The following SASH1 variants were observed in gnomAD, a reference collection of about 807,000 sequenced individuals.
SASH1 encodes the protein SAM and SH3 domain-containing protein 1.
In SASH1, 44 loss-of-function variants were observed where a neutral mutation model predicts 125.2. That is an observed-to-expected ratio of 0.35 (90% confidence interval 0.28 to 0.45). SASH1 has a LOEUF of 0.45. Ranked by LOEUF, SASH1 falls within the 20% of genes least tolerant of loss-of-function variation. The pLI is 1.00. For synonymous variants in SASH1, 639 were observed against 649.1 expected (o/e 0.98, Z 0.24); for missense variants, 1,426 against 1,614.5 (o/e 0.88, Z 2.00).
At chr6:148,299,289 AT>A (rs916375035) in intron 1 of SASH1, among the ~76,000 whole-genome samples, 1 of 150,540 alleles carries the variant, frequency 6.6e-6, no homozygotes, top group Non-Finnish European at 1.5e-5. Context: ...CATTACAAAG[AT>A]TTTTTTTGTA....
chr6:148,347,990 A>G (rs1781574559), intron 1 of SASH1, among the ~76,000 whole-genome samples: 2 of 152,052 alleles, frequency 1.3e-5, no homozygotes, highest in Non-Finnish European at 2.9e-5. Flanking sequence ...GGCTTTCATA[A>G]TTTTATTTAT....
chr6:148,291,266 C>T lies in SASH1; in HGVS notation n.74+18889C>T, dbSNP rs186638499. ...TGATAAAGATTTGAGGTGACAGATA[C>T]GCTAATTGCCCTGATTTGATCATTA... On this transcript the variant is annotated intron_variant and non_coding_transcript_variant, in intron 1 of 3. Coordinates refer to the SASH1 transcript ENST00000367469. Among the ~76,000 whole-genome samples, 14 of 152,284 alleles carry T rather than the reference C, an allele frequency of 9.2e-5. No individual in the cohort carries two copies. The South Asian group carries it at 1.5e-3, about 16-fold the overall frequency.
intron 10 of SASH1, chr6:148,520,341 C>T (rs774197498): frequency 7.4e-5 from 13 of 175,348 alleles, no homozygotes; most frequent in East Asian, 1.4e-4. Context: ...CACGGTCGAC[C>T]GCTGTACTAA....
the SASH1 span, among the ~76,000 whole-genome samples, chr6:148,239,231 A>T: frequency 6.6e-6 from 1 of 152,162 alleles, no homozygotes; most frequent in African/African-American, 2.4e-5. Flanking sequence ...ACTCATAATC[A>T]CTAAGTAGTT....
chr6:148,326,345 TATATATATATATGC>T (rs1323522918), intron 1 of SASH1, among the ~76,000 whole-genome samples: 3 of 89,062 alleles, frequency 3.4e-5, no homozygotes, highest in African/African-American at 8.8e-5. Context: ...TATATATATA[TATATATATATATGC>T]ATATATATAT....
chr6:148,446,163 C>A (rs1464618841), intron 4 of SASH1, among the ~76,000 whole-genome samples: 4 of 126,218 alleles, frequency 3.2e-5, no homozygotes, highest in Non-Finnish European at 6.2e-5. Flanking sequence ...GGCTGGAGTG[C>A]AGTGGCGCGA....
chr6:148,539,003 G>A (rs931733131), intron 16 of SASH1, among the ~76,000 whole-genome samples: 4 of 151,998 alleles, frequency 2.6e-5, no homozygotes, highest in South Asian at 2.1e-4. Context: ...ACAACATGCC[G>A]GGTGATGCTG....
intron 4 of SASH1, among the ~76,000 whole-genome samples, chr6:148,455,948 C>T (rs1777323007): frequency 1.3e-5 from 2 of 152,084 alleles, no homozygotes; most frequent in South Asian, 4.1e-4. Context: ...GACTCCCCTG[C>T]TGCCCCCAGG....
chr6:148,377,195 CAAAAA>C (rs371487493), intron 1 of SASH1, among the ~76,000 whole-genome samples: 1 of 121,836 alleles, frequency 8.2e-6, no homozygotes, highest in Non-Finnish European at 1.7e-5. Context: ...AAAAAAAAAA[CAAAAA>C]AAAAACAAAA....
chr6:148,440,762 T>TA (rs1318313686), intron 4 of SASH1: 2 of 237,110 alleles, frequency 8.4e-6, no homozygotes, highest in East Asian at 9.3e-5. Flanking sequence ...AGAAGCAAGA[T>TA]ACAAATATAA....
chr6:148,320,944 C>T (rs779377426), intron 1 of SASH1, among the ~76,000 whole-genome samples: 4 of 152,234 alleles, frequency 2.6e-5, no homozygotes, highest in Non-Finnish European at 5.9e-5. Flanking sequence ...TTCTTACTAA[C>T]TCAGATGAAG....
At chr6:148,400,803 G>A (rs1487555770) in intron 2 of SASH1, among the ~76,000 whole-genome samples, 1 of 152,206 alleles carries the variant, frequency 6.6e-6, no homozygotes, top group Non-Finnish European at 1.5e-5. Flanking sequence ...ATGTGTATCA[G>A]TGGGAGGTTT....
chr6:148,377,821 T>C (rs1299394436), intron 1 of SASH1, among the ~76,000 whole-genome samples: 1 of 152,230 alleles, frequency 6.6e-6, no homozygotes, highest in Non-Finnish European at 1.5e-5. Context: ...TGAGGACTTC[T>C]ATTTCATGAG....
chr6:148,519,561 G>C lies in SASH1; in HGVS notation c.877G>C (p.Val293Leu). 1 of 1,613,638 alleles carries C rather than the reference G, an allele frequency of 6.2e-7. No individual in the cohort carries two copies. The highest frequency in any genetic ancestry group is 1.1e-5 in the South Asian group (1 of 91,070). ...TTTCCCTCCAGGTGGGGAGGAGCACGTGTTTGAGAATTCGCCGGTCCTGGA... is the reference window on the plus strand; with the variant it reads ...TTTCCCTCCAGGTGGGGAGGAGCACCTGTTTGAGAATTCGCCGGTCCTGGA... ...KPSTEGGEEH[V>L]FENSPVLDER... Residue 293 changes from valine (V) to leucine (L), a missense_variant, in exon 10 of 20, where the codon GTG becomes CTG. Transcript: ENST00000367467. The surrounding 1 kb of genome is among the most constrained non-coding windows in gnomAD (Gnocchi z 4.8).
chr6:148,378,604 C>T (rs930442795), intron 1 of SASH1, among the ~76,000 whole-genome samples: 1 of 152,190 alleles, frequency 6.6e-6, no homozygotes, highest in Non-Finnish European at 1.5e-5. Context: ...AAGTGATCCG[C>T]CTGCCTTAAA....
At chr6:148,263,778 C>A in the SASH1 span, among the ~76,000 whole-genome samples, 1 of 152,162 alleles carries the variant, frequency 6.6e-6, no homozygotes. Flanking sequence ...TTGTCCACTA[C>A]CATCTGTACA....
chr6:148,261,721 C>T, the SASH1 span, among the ~76,000 whole-genome samples: 3 of 152,150 alleles, frequency 2.0e-5, no homozygotes, highest in Non-Finnish European at 4.4e-5. Context: ...ACAACAGCCA[C>T]GTCCCTGCAG....
intron 8 of SASH1, among the ~76,000 whole-genome samples, chr6:148,490,394 G>C (rs899376248): frequency 2.0e-5 from 3 of 152,012 alleles, no homozygotes; most frequent in African/African-American, 4.8e-5. Flanking sequence ...TTTTTTAGTA[G>C]AGACAGGGTT....
At chr6:148,236,465 G>A in the SASH1 span, among the ~76,000 whole-genome samples, 1 of 152,122 alleles carries the variant, frequency 6.6e-6, no homozygotes, top group Admixed American at 6.6e-5. Flanking sequence ...ACCTGTCTCA[G>A]CCTCCCAGAG....
Sources: gnomAD v4.1 joint callset for allele counts (sites outside exome capture counted in the v4.1 genomes callset) on GRCh38, gnomAD v4.1.1 for gene constraint, Gnocchi (gnomAD v3.1) non-coding constraint, MANE v1.5 for transcripts, NCBI Gene and HGNC (gene_info 2026-07-23, HGNC 2026-07-21) for gene names.